SLC44A5: variants seen among roughly 807,000 people sequenced by gnomAD.
SLC44A5 encodes the protein choline transporter-like protein 5.
SLC44A5 carries 57 observed loss-of-function variants against 101.8 expected under a neutral mutation model. The observed-to-expected ratio is 0.56, with a 90% confidence interval of 0.45 to 0.70. SLC44A5 has a LOEUF of 0.70. SLC44A5 is among the 30% of genes least tolerant of loss of function. The pLI is 0.00. For synonymous variants in SLC44A5, 281 were observed against 290.9 expected (o/e 0.97, Z 0.35); for missense variants, 737 against 853.1 (o/e 0.86, Z 1.70).
intron 4 of SLC44A5, among the ~76,000 whole-genome samples, chr1:75,307,995 A>T (rs1655035863): frequency 6.6e-6 from 1 of 152,210 alleles, no homozygotes; most frequent in Non-Finnish European, 1.5e-5. Flanking sequence ...TAAGCGCCCT[A>T]AAAAATTTTA....
rs375999979 is a variant in SLC44A5 at position 75,402,098 on chromosome 1, T to A, written c.14-5477A>T. Among the ~76,000 whole-genome samples, 40 of 152,312 alleles carry A rather than the reference T, an allele frequency of 2.6e-4. No individual in the cohort carries two copies. In the South Asian group the frequency reaches 8.1e-3, roughly 31 times the overall value. Reference sequence around the variant, plus strand: ...TAGAATGGTTACAGGGGAGAGAAAGTTGAACACAACATTTTGATAGTTAGA... The same window carrying A: ...TAGAATGGTTACAGGGGAGAGAAAGATGAACACAACATTTTGATAGTTAGA... On this transcript the variant is annotated intron_variant, in intron 2 of 23. Transcript: ENST00000370859.
intron 5 of SLC44A5, among the ~76,000 whole-genome samples, chr1:75,297,899 T>C (rs1423504212): frequency 6.6e-6 from 1 of 152,100 alleles, no homozygotes; most frequent in Non-Finnish European, 1.5e-5. Context: ...CTGGCCATAT[T>C]CCACATAAAG....
chr1:75,622,382 G>T, the SLC44A5 span, among the ~76,000 whole-genome samples: 1 of 151,926 alleles, frequency 6.6e-6, no homozygotes, highest in Non-Finnish European at 1.5e-5. Flanking sequence ...AGTTCAATTT[G>T]CCAACTGTCA....
intron 1 of SLC44A5, among the ~76,000 whole-genome samples, chr1:75,596,582 C>T (rs1374161617): frequency 2.6e-5 from 4 of 152,112 alleles, no homozygotes; most frequent in Admixed American, 1.3e-4. Context: ...AGATCCAACG[C>T]ACATCAAAAA....
At chr1:75,296,186 C>G (rs1440373438) in intron 5 of SLC44A5, among the ~76,000 whole-genome samples, 1 of 151,986 alleles carries the variant, frequency 6.6e-6, no homozygotes, top group Non-Finnish European at 1.5e-5. Flanking sequence ...ATCTGCATGT[C>G]AAGGCTCTTT....
chr1:75,632,867 G>C, the SLC44A5 span, among the ~76,000 whole-genome samples: 1 of 152,162 alleles, frequency 6.6e-6, no homozygotes, highest in African/African-American at 2.4e-5. Context: ...TTTAAAAGTT[G>C]CTGTGAGGCT....
chr1:75,469,833 G>A (rs185017212), intron 2 of SLC44A5, among the ~76,000 whole-genome samples: 2 of 149,438 alleles, frequency 1.3e-5, no homozygotes, highest in Non-Finnish European at 3.0e-5. Flanking sequence ...CCAGGAATTC[G>A]AGGTTACAGT....
At chr1:75,615,589 C>A (rs1434780356), upstream of SLC44A5, among the ~76,000 whole-genome samples, 2 of 152,076 alleles carry the variant, frequency 1.3e-5, no homozygotes, top group African/African-American at 4.8e-5. Flanking sequence ...CCCAAGCTCG[C>A]CGAGTAGCAA....
At position 75,332,956 on chromosome 1, in the gene SLC44A5, T is replaced by C. The variant is rs567941777; in HGVS notation, c.101+6626A>G. On this transcript the variant is annotated intron_variant, in intron 4 of 23. Coordinates refer to ENST00000370859, the MANE Select transcript of SLC44A5 (RefSeq NM_001130058.2). Reference sequence around the variant, plus strand: ...ATGCCGTTCTCATATTTGCTTCTTGTTGAATTAATTGGTATGCTTTTTCTA... The same window carrying C: ...ATGCCGTTCTCATATTTGCTTCTTGCTGAATTAATTGGTATGCTTTTTCTA... Among the ~76,000 whole-genome samples the C allele has an allele frequency of 1.1e-4, 16 of 152,308 alleles. No homozygotes were observed. The South Asian group carries it at 3.1e-3, about 30-fold the overall frequency.
At chr1:75,610,591 T>A (rs1314434758) in intron 1 of SLC44A5, among the ~76,000 whole-genome samples, 1 of 152,128 alleles carries the variant, frequency 6.6e-6, no homozygotes, top group Non-Finnish European at 1.5e-5. Context: ...TGTAGTTTTC[T>A]GCTGTACAGT....
the SLC44A5 span, among the ~76,000 whole-genome samples, chr1:75,649,867 C>T: frequency 6.6e-6 from 1 of 152,174 alleles, no homozygotes; most frequent in African/African-American, 2.4e-5. Flanking sequence ...GACCTGCTCT[C>T]AATGCCTCAG....
At chr1:75,521,873 C>T (rs1172885027) in intron 2 of SLC44A5, 1 of 153,430 alleles carries the variant, frequency 6.5e-6, no homozygotes, top group East Asian at 1.9e-4. Context: ...AGAAAAAAAA[C>T]AATGCACGCA....
the SLC44A5 span, among the ~76,000 whole-genome samples, chr1:75,673,661 C>T: frequency 2.0e-5 from 3 of 152,190 alleles, no homozygotes; most frequent in Non-Finnish European, 4.4e-5. Context: ...AACCCCAGTG[C>T]TGGCGACCAC....
the SLC44A5 span, among the ~76,000 whole-genome samples, chr1:75,680,900 A>G: frequency 1.3e-5 from 2 of 151,200 alleles, no homozygotes; most frequent in African/African-American, 4.9e-5. Flanking sequence ...GAAGAATCAA[A>G]TAGACGCAAT....
At chr1:75,478,431 G>C (rs1200836630) in intron 2 of SLC44A5, among the ~76,000 whole-genome samples, 1 of 152,158 alleles carries the variant, frequency 6.6e-6, no homozygotes, top group Non-Finnish European at 1.5e-5. Context: ...TGGACTAAAT[G>C]CTCCAATGGA....
intron 2 of SLC44A5, among the ~76,000 whole-genome samples, chr1:75,433,138 T>C (rs937143182): frequency 2.6e-5 from 4 of 152,152 alleles, no homozygotes; most frequent in Admixed American, 2.6e-4. Flanking sequence ...TATATAACTA[T>C]CTCATGTCTC....
At chr1:75,365,294 T>C (rs984435309) in intron 3 of SLC44A5, among the ~76,000 whole-genome samples, 31 of 152,208 alleles carry the variant, frequency 2.0e-4, no homozygotes, top group African/African-American at 6.8e-4. Context: ...ATCCATTAGT[T>C]ATTTTTCCTG....
chr1:75,300,725 C>A, intron 4 of SLC44A5, 40 bp from the exon 5 acceptor site: 1 of 1,366,070 alleles, frequency 7.3e-7, no homozygotes, highest in South Asian at 1.4e-5. Context: ...AAAGAGGTCC[C>A]AAATGACTTC....
chr1:75,279,840 G>C (rs985977512), intron 5 of SLC44A5, among the ~76,000 whole-genome samples: 1 of 151,804 alleles, frequency 6.6e-6, no homozygotes, highest in African/African-American at 2.4e-5. Flanking sequence ...TGATTTCTGA[G>C]ATTTTGGTGC....
Sources: allele counts gnomAD v4.1 joint callset (sites outside exome capture counted in the v4.1 genomes callset), GRCh38; gene constraint gnomAD v4.1.1; transcripts MANE v1.5; gene names NCBI Gene and HGNC (gene_info 2026-07-23, HGNC 2026-07-21).